The following MTMR3 variants were observed in gnomAD, a reference collection of about 807,000 sequenced individuals.
MTMR3 encodes the protein myotubularin related protein 3.
In MTMR3, 32 loss-of-function variants were observed where a neutral mutation model predicts 132.4. That is an observed-to-expected ratio of 0.24 (90% CI 0.18 to 0.32). The LOEUF (loss-of-function observed/expected upper bound fraction) is 0.32. Ranked by LOEUF, MTMR3 falls within the 10% of genes least tolerant of loss-of-function variation. The pLI is 1.00. For missense variants in MTMR3, 1,216 were observed against 1,489.6 expected, an observed-to-expected ratio of 0.82 and a Z score of 3.02; for synonymous variants, 556 against 550.3, an observed-to-expected ratio of 1.01 and a Z score of -0.14.
At chr22:29,942,297 T>C (rs892557058) in intron 1 of MTMR3, among the ~76,000 whole-genome samples, 15 of 150,764 alleles carry the variant, frequency 9.9e-5, no homozygotes, top group African/African-American at 3.4e-4. Context: ...GGAGAGGGAG[T>C]GTACGAATAG....
chr22:29,969,683 C>G (rs1008527337), intron 2 of MTMR3, among the ~76,000 whole-genome samples: 6 of 151,930 alleles, frequency 3.9e-5, no homozygotes, highest in Middle Eastern at 3.4e-3. Context: ...GGCACACACC[C>G]CCATGCCCTG....
At chr22:30,022,323 C>T in intron 18 of MTMR3, 184 bp downstream of exon 18, 2 of 615,224 alleles carry the variant, frequency 3.3e-6, no homozygotes, top group South Asian at 1.9e-5. Flanking sequence ...CAGGGAGACT[C>T]AGCAAGCTGG....
chr22:30,011,278 G>C (rs1304443929), intron 12 of MTMR3: 1 of 152,164 alleles, frequency 6.6e-6, no homozygotes, highest in Non-Finnish European at 1.5e-5. Flanking sequence ...GGAGGGGTGA[G>C]GGAAAGCACA....
At chr22:29,990,608 CCTCA>C (rs1366658172) in intron 6 of MTMR3, 3 of 152,080 alleles carry the variant, frequency 2.0e-5, no homozygotes, top group African/African-American at 7.2e-5. Flanking sequence ...TGAGACAGAG[CCTCA>C]CTCTGTTGCC....
intron 1 of MTMR3, among the ~76,000 whole-genome samples, chr22:29,944,873 TATTTC>T (rs1358266267): frequency 6.6e-6 from 1 of 152,238 alleles, no homozygotes; most frequent in Non-Finnish European, 1.5e-5. Context: ...GCTAAATAGA[TATTTC>T]AGTCATTGAT....
At chr22:29,914,673 T>C (rs916751296) in intron 1 of MTMR3, among the ~76,000 whole-genome samples, 1 of 152,172 alleles carries the variant, frequency 6.6e-6, no homozygotes, top group Non-Finnish European at 1.5e-5. Context: ...TCTCTAAACC[T>C]AAGGTCACTA....
chr22:29,918,236 T>C (rs775532219), intron 1 of MTMR3, among the ~76,000 whole-genome samples: 23 of 152,202 alleles, frequency 1.5e-4, no homozygotes, highest in Non-Finnish European at 1.8e-4. Context: ...GAACTTTCTT[T>C]AGAGGTGTAT....
intron 12 of MTMR3, 187 bp from the exon 13 acceptor site, chr22:30,012,181 A>G (rs953949922): frequency 1.5e-5 from 9 of 594,952 alleles, no homozygotes; most frequent in South Asian, 8.9e-5. Flanking sequence ...GCTCTTCTCT[A>G]TTGTATAGTA....
chr22:29,960,707 A>T (rs2066294424), intron 2 of MTMR3, among the ~76,000 whole-genome samples: 1 of 152,196 alleles, frequency 6.6e-6, no homozygotes, highest in Non-Finnish European at 1.5e-5. Context: ...CTCGATGAAG[A>T]AACTGAGGCT....
At position 29,998,874 on chromosome 22, in the gene MTMR3, C is replaced by T; in HGVS notation, c.557+17C>T. The T allele has an allele frequency of 6.4e-7, 1 of 1,572,902 alleles. No individual in the cohort carries two copies. The highest frequency in any genetic ancestry group is 2.3e-5 in the East Asian group (1 of 43,456). ...GAAGTACAAGTGAGTTATATGGGTC[C>T]CTGTGGACTGTTTCACAGCCAGTGC... On this transcript the variant is annotated intron_variant, in intron 8 of 19. Coordinates refer to ENST00000401950, the MANE Select transcript of MTMR3 (RefSeq NM_021090.4).
At chr22:30,008,896 A>G (rs2067338947) in intron 11 of MTMR3, 122 bp from the exon 12 acceptor site, 1 of 657,496 alleles carries the variant, frequency 1.5e-6, no homozygotes, top group Admixed American at 2.6e-5. Flanking sequence ...ATTTCAAAAC[A>G]TTTCAGTTTC....
intron 5 of MTMR3, chr22:29,979,335 A>T: frequency 8.1e-6 from 2 of 247,346 alleles, no homozygotes; most frequent in South Asian, 4.4e-5. Context: ...TACTAAAAAT[A>T]CAAAAAATTA....
chr22:29,902,752 CT>C (rs1423308065), intron 1 of MTMR3, among the ~76,000 whole-genome samples: 1 of 152,204 alleles, frequency 6.6e-6, no homozygotes, highest in African/African-American at 2.4e-5. Context: ...CTCCCCTCTC[CT>C]CCCCCAAGAT....
At chr22:29,930,799 G>C (rs137897603) in intron 1 of MTMR3, among the ~76,000 whole-genome samples, 28 of 152,222 alleles carry the variant, frequency 1.8e-4, no homozygotes, top group African/African-American at 5.8e-4. Context: ...CCAGGAGTTT[G>C]AGACCAGCAT....
rs2067949849 is a variant in MTMR3 at position 30,028,319 on chromosome 22, A to G, written c.*2518A>G. On this transcript the variant is annotated 3_prime_UTR_variant, in exon 20 of 20. Coordinates refer to ENST00000401950, the MANE Select transcript of MTMR3 (RefSeq NM_021090.4). ...CTTGAAGGATAGACTATGGGTGGGC[A>G]GAGAGAACTGGGGGCAGAAATGGAA... is the stretch of plus-strand genomic sequence containing the variant. The G allele has an allele frequency of 6.6e-6, 1 of 152,372 alleles. No individual in the cohort carries two copies. The allele number at this position is 152,372 out of a possible 1,614,324, so 9.4% of individuals were successfully genotyped here.
At chr22:29,934,779 A>C (rs895220204) in intron 1 of MTMR3, among the ~76,000 whole-genome samples, 4 of 152,212 alleles carry the variant, frequency 2.6e-5, no homozygotes, top group African/African-American at 9.6e-5. Context: ...CTCACTGTTA[A>C]GTGGGTTAAG....
chr22:29,915,953 AC>A (rs1255909931), intron 1 of MTMR3, among the ~76,000 whole-genome samples: 1 of 152,090 alleles, frequency 6.6e-6, no homozygotes, highest in Non-Finnish European at 1.5e-5. Flanking sequence ...TATAGTAGAT[AC>A]CTTTAACTTA....
chr22:30,003,084 G>A (rs2067207758), intron 9 of MTMR3, 91 bp downstream of exon 9: 1 of 1,008,202 alleles, frequency 9.9e-7, no homozygotes, highest in Non-Finnish European at 1.5e-6. Flanking sequence ...CCTGGGAAGG[G>A]TGGGGAGAGT....
At chr22:29,995,139 T>C (rs988763735) in intron 7 of MTMR3, 1 of 152,264 alleles carries the variant, frequency 6.6e-6, no homozygotes, top group Non-Finnish European at 1.5e-5. Context: ...TAAGCCCATC[T>C]TGTTTATCCA....
Sources: gnomAD v4.1 joint callset for allele counts (sites outside exome capture counted in the v4.1 genomes callset) on GRCh38, gnomAD v4.1.1 for gene constraint, MANE v1.5 for transcripts, NCBI Gene and HGNC (gene_info 2026-07-23, HGNC 2026-07-21) for gene names.